Variants in ALPK1 observed in about 807,000 individuals in gnomAD.
ALPK1 encodes alpha kinase 1.
In ALPK1, 110 loss-of-function variants were observed where a neutral mutation model predicts 120.6. The ratio of observed to expected loss-of-function variants is 0.91; its 90% CI spans 0.78 to 1.07. The LOEUF is 1.07. ALPK1 is among the 50% of genes least tolerant of loss of function. The pLI is 0.00. For synonymous variants in ALPK1, 582 were observed against 560.3 expected, an observed-to-expected ratio of 1.04 and a Z score of -0.55; for missense variants, 1,498 against 1,483.9, an observed-to-expected ratio of 1.01 and a Z score of -0.16.
At position 112,442,292 on chromosome 4, in the gene ALPK1, AG is replaced by A. The variant is rs1393221361; in HGVS notation, c.*1083del. 2 of 152,254 alleles carry A rather than the reference AG, an allele frequency of 1.3e-5. No homozygotes were observed. The highest frequency in any genetic ancestry group is 2.9e-5 in the Non-Finnish European group (2 of 68,046). The allele number at this position is 152,254 out of a possible 1,614,324, so 9.4% of individuals were successfully genotyped here. A position where few individuals can be genotyped will look rare whatever the true frequency, so the allele number is the denominator to read the frequency against. ...CCATATCACAATGTAACCATAAAAA[AG>A]AATGAGATCATGTCCTTTGCAGGGA... On this transcript the variant is annotated 3_prime_UTR_variant, in exon 16 of 16. Transcript: ENST00000650871.
chr4:112,434,937 C>G (rs1053570671), intron 11 of ALPK1, among the ~76,000 whole-genome samples: 1 of 152,142 alleles, frequency 6.6e-6, no homozygotes, highest in African/African-American at 2.4e-5. Context: ...GGCTATTCCT[C>G]ATTGTAATTT....
At chr4:112,392,006 A>G (rs1176834900) in intron 4 of ALPK1, among the ~76,000 whole-genome samples, 1 of 152,248 alleles carries the variant, frequency 6.6e-6, no homozygotes, top group African/African-American at 2.4e-5. Context: ...GAATATTTCA[A>G]CAGAAATGCT....
intron 4 of ALPK1, among the ~76,000 whole-genome samples, chr4:112,403,103 C>A (rs1469861066): frequency 6.6e-6 from 1 of 152,028 alleles, no homozygotes; most frequent in Non-Finnish European, 1.5e-5. Context: ...TGTGCATAAC[C>A]CAGGCACATT....
chr4:112,308,708 T>A (rs1018232775), intron 1 of ALPK1, among the ~76,000 whole-genome samples: 1 of 152,144 alleles, frequency 6.6e-6, no homozygotes, highest in African/African-American at 2.4e-5. Flanking sequence ...CTCCTTTAGC[T>A]CAGAAAAGTT....
intron 1 of ALPK1, among the ~76,000 whole-genome samples, chr4:112,306,969 T>C (rs1728096907): frequency 6.6e-6 from 1 of 152,234 alleles, no homozygotes; most frequent in African/African-American, 2.4e-5. Flanking sequence ...CTCATTGGTT[T>C]CAAAGAACAT....
At chr4:112,440,781 A>T (rs1357905402) in intron 14 of ALPK1, 136 bp from the exon 15 acceptor site, 1 of 1,389,946 alleles carries the variant, frequency 7.2e-7, no homozygotes, top group Non-Finnish European at 9.3e-7. Flanking sequence ...TATAAACCAC[A>T]GGATGGCCAA....
intron 5 of ALPK1, among the ~76,000 whole-genome samples, chr4:112,416,649 G>A (rs1733758235): frequency 6.6e-6 from 1 of 152,034 alleles, no homozygotes; most frequent in African/African-American, 2.4e-5. Flanking sequence ...CAAGGTGGGA[G>A]GGATCGCATG....
At chr4:112,373,299 T>C (rs538685091) in intron 2 of ALPK1, among the ~76,000 whole-genome samples, 34 of 152,322 alleles carry the variant, frequency 2.2e-4, no homozygotes, top group African/African-American at 7.7e-4. Flanking sequence ...GGAATGAACA[T>C]ATGCTCCTGT....
At chr4:112,370,841 T>A (rs1451980810) in intron 2 of ALPK1, among the ~76,000 whole-genome samples, 1 of 152,184 alleles carries the variant, frequency 6.6e-6, no homozygotes, top group Non-Finnish European at 1.5e-5. Flanking sequence ...ATGAATTACC[T>A]TGGAAATCTC....
chr4:112,299,254 T>C (rs1727683611), intron 1 of ALPK1, among the ~76,000 whole-genome samples: 1 of 152,140 alleles, frequency 6.6e-6, no homozygotes, highest in Non-Finnish European at 1.5e-5. Context: ...ATCATTCTTC[T>C]ATGTCTGAAG....
intron 2 of ALPK1, among the ~76,000 whole-genome samples, chr4:112,363,263 G>A (rs145214202): frequency 0.013 from 1,968 of 152,126 alleles, 42 homozygotes; most frequent in African/African-American, 0.043. Context: ...GGATGTAAAC[G>A]GCCTAAATGC....
chr4:112,423,775 T>C (rs1329034122), intron 5 of ALPK1, 169 bp from the exon 6 acceptor site: 1 of 739,738 alleles, frequency 1.4e-6, no homozygotes, highest in Non-Finnish European at 2.4e-6. Flanking sequence ...TCATCTTTCT[T>C]TTCAGTTTTA....
At position 112,441,096 on chromosome 4, in the gene ALPK1, G is replaced by A. The variant is rs752318650; in HGVS notation, c.3718G>A (p.Glu1240Lys). ...TCTTTCTTTGACTAGACCTTCAATG[G>A]AGAAACCATGTAAGTCATAGGCTGT... ...HRLSLTRPSMEKPCT is the reference protein window; with the variant it reads ...HRLSLTRPSMKKPCT Residue 1240 changes from glutamate (E) to lysine (K), a missense_variant, in exon 15 of 16, where the codon GAG (glutamate) becomes AAG (lysine). Coordinates refer to ENST00000650871, the MANE Select transcript of ALPK1 (RefSeq NM_025144.4). 27 of 1,613,742 alleles carry A rather than the reference G, an allele frequency of 1.7e-5. No individual in the cohort carries two copies. The highest frequency in any genetic ancestry group is 1.9e-5 in the Non-Finnish European group (23 of 1,179,862).
Position 112,430,569 on chromosome 4 carries a change from A to G in ALPK1, c.1022A>G (p.Asp341Gly), listed in dbSNP as rs1407498382. 1.2e-6 allele frequency: 2 copies of G among 1,614,168 alleles called. No individual in the cohort carries two copies. The highest frequency in any genetic ancestry group is 1.7e-6 in the Non-Finnish European group (2 of 1,180,026). Residue 341 changes from aspartate to glycine, a missense_variant, in exon 11 of 16, where the codon GAT becomes GGT. Asp to Gly is a moderately conservative substitution (Grantham distance 94, BLOSUM62 -1). Transcript: ENST00000650871. Reference protein sequence around the residue: ...AFEIGLLTKRDDEPVTGKQEL... With the variant: ...AFEIGLLTKRGDEPVTGKQEL... ...GAGATTGGCCTCCTCACCAAGAGAG[A>G]TGATGAGCCTGTTACTGGAAAACAG... is the stretch of plus-strand genomic sequence containing the variant.
At chr4:112,380,976 T>A (rs1391658714) in intron 3 of ALPK1, among the ~76,000 whole-genome samples, 1 of 152,252 alleles carries the variant, frequency 6.6e-6, no homozygotes, top group South Asian at 2.1e-4. Context: ...AATGTTTGCA[T>A]TGAGTGCTGA....
intron 2 of ALPK1, among the ~76,000 whole-genome samples, chr4:112,337,189 AAT>A (rs1468671822): frequency 3.9e-5 from 6 of 152,154 alleles, no homozygotes; most frequent in Admixed American, 2.6e-4. Context: ...TTATTTAAAA[AAT>A]ATATATGTTT....
At chr4:112,326,576 C>T (rs1377028874) in intron 2 of ALPK1, among the ~76,000 whole-genome samples, 2 of 152,182 alleles carry the variant, frequency 1.3e-5, no homozygotes, top group Non-Finnish European at 2.9e-5. Context: ...TTTCCATTTC[C>T]TTGTTCTAAT....
chr4:112,407,224 T>C (rs1161977170), intron 4 of ALPK1, among the ~76,000 whole-genome samples: 1 of 152,188 alleles, frequency 6.6e-6, no homozygotes, highest in East Asian at 1.9e-4. Flanking sequence ...TGTCTGAAGA[T>C]CTGTTTTGCA....
intron 7 of ALPK1, chr4:112,426,235 CAT>C (rs1734226299): frequency 1.0e-5 from 3 of 295,052 alleles, no homozygotes; most frequent in Non-Finnish European, 1.8e-5. Flanking sequence ...ATATATTACA[CAT>C]ATTATATATA....
Sources: allele counts gnomAD v4.1 joint callset (sites outside exome capture counted in the v4.1 genomes callset), GRCh38; gene constraint gnomAD v4.1.1; transcripts MANE v1.5; gene names NCBI Gene and HGNC (gene_info 2026-07-23, HGNC 2026-07-21).